Variants in KGD4 observed in about 807,000 individuals in gnomAD.
KGD4 encodes the protein alpha-ketoglutarate dehydrogenase subunit 4.
chr5:69,228,567 A>G, the KGD4 span, among the ~76,000 whole-genome samples: 6 of 152,222 alleles, frequency 3.9e-5, no homozygotes, highest in East Asian at 1.2e-3. Flanking sequence ...ATCCCTCTGT[A>G]AATATGCATG....
At chr5:69,221,294 G>C in the KGD4 span, among the ~76,000 whole-genome samples, 3 of 152,074 alleles carry the variant, frequency 2.0e-5, no homozygotes, top group African/African-American at 7.2e-5. Flanking sequence ...TTGAGCCCAG[G>C]AGTTTGACGC....
the KGD4 span, among the ~76,000 whole-genome samples, chr5:69,221,652 A>G: frequency 1.3e-5 from 2 of 152,202 alleles, no homozygotes; most frequent in Admixed American, 6.6e-5. Flanking sequence ...ATGCAAAACT[A>G]TAAAACCCTT....
chr5:69,218,484 G>GTGTGTGTGTGTGTT, the KGD4 span, among the ~76,000 whole-genome samples: 1 of 148,866 alleles, frequency 6.7e-6, no homozygotes. Flanking sequence ...GTGTGTGTGT[G>GTGTGTGTGTGTGTT]TGTGTGTGTG....
the KGD4 span, among the ~76,000 whole-genome samples, chr5:69,229,047 A>G: frequency 7.9e-6 from 1 of 127,278 alleles, no homozygotes; most frequent in Admixed American, 8.0e-5. Context: ...AAAAAAAAAA[A>G]GAATTGATAT....
chr5:69,224,901 C>T, the KGD4 span, among the ~76,000 whole-genome samples: 1 of 151,588 alleles, frequency 6.6e-6, no homozygotes, highest in African/African-American at 2.4e-5. Context: ...GGTGAAACCC[C>T]GTCTCTACTA....
chr5:69,225,727 C>T, the KGD4 span, among the ~76,000 whole-genome samples: 1 of 151,814 alleles, frequency 6.6e-6, no homozygotes, highest in Non-Finnish European at 1.5e-5. Flanking sequence ...ATTACAGGCA[C>T]GCATCACCAT....
chr5:69,220,511 G>A, the KGD4 span, among the ~76,000 whole-genome samples: 23,133 of 151,840 alleles, frequency 0.15, 1,889 homozygotes, highest in African/African-American at 0.21. Flanking sequence ...CCAGGCAGCC[G>A]CCCCGTCTGG....
chr5:69,218,851 A>T, the KGD4 span, among the ~76,000 whole-genome samples: 1 of 152,206 alleles, frequency 6.6e-6, no homozygotes, highest in East Asian at 1.9e-4. Context: ...GTCCCATTGC[A>T]ATGAATGATC....
chr5:69,219,882 C>G, the KGD4 span, among the ~76,000 whole-genome samples: 10 of 152,102 alleles, frequency 6.6e-5, no homozygotes, highest in East Asian at 1.9e-3. Context: ...ATAACATTAG[C>G]AAAATTTGTT....
the KGD4 span, among the ~76,000 whole-genome samples, chr5:69,224,059 T>C: frequency 6.8e-6 from 1 of 146,848 alleles, no homozygotes. Flanking sequence ...AGTATTCCTA[T>C]GGGTATAGGA....
At chr5:69,221,786 T>C in the KGD4 span, among the ~76,000 whole-genome samples, 1 of 151,784 alleles carries the variant, frequency 6.6e-6, no homozygotes, top group African/African-American at 2.4e-5. Flanking sequence ...AATAAAAAAT[T>C]CTGCTCTGTG....
the KGD4 span, chr5:69,229,220 G>A: frequency 1.7e-5 from 28 of 1,609,572 alleles, no homozygotes; most frequent in Non-Finnish European, 2.2e-5. Flanking sequence ...TGGAGGTCCT[G>A]AATAACCATG....
chr5:69,218,469 A>AGTGTGTGTGTGTGTGTGT, the KGD4 span, among the ~76,000 whole-genome samples: 3 of 52,036 alleles, frequency 5.8e-5, no homozygotes, highest in African/African-American at 3.6e-4. Context: ...TGTGTATATT[A>AGTGTGTGTGTGTGTGTGT]ATGTGTGTGT....
At chr5:69,224,449 C>T in the KGD4 span, among the ~76,000 whole-genome samples, 1,901 of 151,344 alleles carry the variant, frequency 0.013, 20 homozygotes, top group Admixed American at 0.023. Flanking sequence ...GTGTTTTCTT[C>T]TTTGTGCTCT....
chr5:69,218,022 G>A, the KGD4 span: 2 of 1,284,736 alleles, frequency 1.6e-6, no homozygotes, highest in Admixed American at 2.1e-5. Context: ...TGTGTGTGAG[G>A]ATGGGACTTT....
At chr5:69,224,079 A>G in the KGD4 span, among the ~76,000 whole-genome samples, 1 of 151,750 alleles carries the variant, frequency 6.6e-6, no homozygotes, top group African/African-American at 2.4e-5. Flanking sequence ...AAAAAGACTA[A>G]AATAAAGTGC....
chr5:69,220,553 G>T, the KGD4 span, among the ~76,000 whole-genome samples: 1 of 151,622 alleles, frequency 6.6e-6, no homozygotes, highest in Non-Finnish European at 1.5e-5. Context: ...CGGCCGCCCC[G>T]TCTGGGATGT....
At chr5:69,223,955 C>A in the KGD4 span, among the ~76,000 whole-genome samples, 4 of 150,484 alleles carry the variant, frequency 2.7e-5, no homozygotes, top group Non-Finnish European at 5.9e-5. Context: ...ATCACTTGAA[C>A]CCTTGAGGCG....
the KGD4 span, chr5:69,229,137 A>C: frequency 7.4e-7 from 1 of 1,347,566 alleles, no homozygotes. Context: ...ATAAATTTGT[A>C]AAATTGCCAT....
Sources: gnomAD v4.1 joint callset for allele counts (sites outside exome capture counted in the v4.1 genomes callset) on GRCh38, gnomAD v4.1.1 for gene constraint, MANE v1.5 for transcripts, NCBI Gene and HGNC (gene_info 2026-07-23, HGNC 2026-07-21) for gene names.